Variants in HIF1A observed in about 807,000 individuals in gnomAD.
The protein encoded by HIF1A is hypoxia inducible factor 1 subunit alpha.
Under a neutral mutation model 92.7 loss-of-function variants are expected in HIF1A, and 24 were observed. That is an observed-to-expected ratio of 0.26 (90% CI 0.19 to 0.36). The LOEUF is 0.36. Among genes scored for constraint, HIF1A ranks in the 10% least tolerant of loss-of-function variants. HIF1A has a pLI of 1.00. For missense variants in HIF1A, 799 were observed against 998.5 expected (o/e 0.80, Z 2.69); for synonymous variants, 319 against 338.7 (o/e 0.94, Z 0.64).
rs182343342 is a variant in HIF1A at position 61,743,301 on chromosome 14, C to T, written c.2094-1404C>T. Among the ~76,000 whole-genome samples the T allele has an allele frequency of 3.6e-4, 55 of 152,204 alleles. No individual in the cohort carries two copies. In the East Asian group the frequency reaches 6.2e-3, roughly 17 times the overall value. The stretch of plus-strand genomic sequence containing the variant: ...GATCAGGCTGGTCTCAAACTCCCGA[C>T]CTCAGGTGATCCACCTGCCTCAGCC... On this transcript the variant is annotated intron_variant, in intron 12 of 14. Transcript: ENST00000337138.
At position 61,746,916 on chromosome 14, in the gene HIF1A, ATC is replaced by A. The variant is rs1298978325; in HGVS notation, c.2330-14_2330-13del. 5 of 1,579,744 alleles carry A rather than the reference ATC, an allele frequency of 3.2e-6. No individual in the cohort carries two copies. In the East Asian group the frequency reaches 6.7e-5, roughly 21 times the overall value. On this transcript the variant is annotated splice_polypyrimidine_tract_variant and intron_variant, in intron 14 of 14. Coordinates refer to ENST00000337138, the MANE Select transcript of HIF1A (RefSeq NM_001530.4). ...TGACTAGATGAATGTATACTTAGGT[ATC>A]TCTTTTGTTTTTCAGATTTAGCATG... is the stretch of plus-strand genomic sequence containing the variant.
chr14:61,712,589 C>G (rs2044320073), intron 1 of HIF1A, among the ~76,000 whole-genome samples: 1 of 146,530 alleles, frequency 6.8e-6, no homozygotes, highest in Non-Finnish European at 1.5e-5. Context: ...ATCTAGTATG[C>G]TTGCTTATAC....
chr14:61,709,523 G>A (rs566647467), intron 1 of HIF1A, among the ~76,000 whole-genome samples: 3 of 151,878 alleles, frequency 2.0e-5, no homozygotes, highest in African/African-American at 7.2e-5. Flanking sequence ...CACATTTAAA[G>A]TAAGCATTTT....
rs777085247 is a variant in HIF1A at position 61,747,120 on chromosome 14, T to C, written c.*35T>C. 50 of 1,576,726 alleles carry C rather than the reference T, an allele frequency of 3.2e-5. No individual in the cohort carries two copies. Among genetic ancestry groups the C allele is most frequent in the Middle Eastern group, 1.7e-4 (1 of 5,894 alleles). On this transcript the variant is annotated 3_prime_UTR_variant, in exon 15 of 15. Transcript: ENST00000337138. ...TAATTTCATTCCTTTTTTTGGACAC[T>C]GGTGGCTCATTACCTAAAGCAGTCT...
intron 10 of HIF1A, among the ~76,000 whole-genome samples, chr14:61,739,366 C>A (rs968235279): frequency 6.6e-6 from 1 of 152,130 alleles, no homozygotes; most frequent in East Asian, 1.9e-4. Flanking sequence ...CATTTTAGGG[C>A]TTCCTACATC....
Position 61,721,491 on chromosome 14 carries a change from T to C in HIF1A, c.227-18T>C, listed in dbSNP as rs1365221244. On this transcript the variant is annotated intron_variant, in intron 2 of 14. Coordinates refer to ENST00000337138, the MANE Select transcript of HIF1A (RefSeq NM_001530.4). The stretch of plus-strand genomic sequence containing the variant: ...AACTTTTTAACTAATTATTTTCCTC[T>C]TCTTGTGCCCTTTTTAGGTGATTTG... 5.0e-6 allele frequency: 8 copies of C among 1,601,204 alleles called. No homozygotes were observed. The highest frequency in any genetic ancestry group is 1.7e-5 in the Admixed American group (1 of 58,438).
At chr14:61,735,993 CT>C (rs10658676) in intron 8 of HIF1A, among the ~76,000 whole-genome samples, 3 of 144,148 alleles carry the variant, frequency 2.1e-5, no homozygotes, top group African/African-American at 5.1e-5. Flanking sequence ...TTCTTTTTTT[CT>C]TTTTTTTTTT....
chr14:61,729,757 A>C (rs79888587), intron 6 of HIF1A, among the ~76,000 whole-genome samples: 1 of 152,288 alleles, frequency 6.6e-6, no homozygotes, highest in African/African-American at 2.4e-5. Flanking sequence ...AAAAATGAGA[A>C]AGGGAGTGAC....
At chr14:61,719,126 G>A (rs186883922) in intron 1 of HIF1A, among the ~76,000 whole-genome samples, 6 of 152,272 alleles carry the variant, frequency 3.9e-5, no homozygotes, top group Admixed American at 2.6e-4. Context: ...ATTTGGGGTG[G>A]AGACAATTCG....
chr14:61,723,258 T>C (rs2044455663), intron 4 of HIF1A, among the ~76,000 whole-genome samples: 1 of 147,336 alleles, frequency 6.8e-6, no homozygotes, highest in Non-Finnish European at 1.5e-5. Flanking sequence ...CTGTTCTTCC[T>C]ATTTTATATG....
At chr14:61,718,036 A>G (rs559884017) in intron 1 of HIF1A, among the ~76,000 whole-genome samples, 4 of 150,910 alleles carry the variant, frequency 2.7e-5, no homozygotes, top group African/African-American at 7.3e-5. Flanking sequence ...AAAAAAAAGC[A>G]TATATAGCAC....
At chr14:61,711,836 T>A (rs1373299379) in intron 1 of HIF1A, among the ~76,000 whole-genome samples, 1 of 152,260 alleles carries the variant, frequency 6.6e-6, no homozygotes, top group Non-Finnish European at 1.5e-5. Flanking sequence ...GAATTAGCTG[T>A]CATAATCAGT....
At chr14:61,705,028 T>G (rs977410136) in intron 1 of HIF1A, among the ~76,000 whole-genome samples, 4 of 152,168 alleles carry the variant, frequency 2.6e-5, no homozygotes, top group African/African-American at 9.6e-5. Context: ...GCTTTTAGAA[T>G]TTTCAGACAT....
rs755243230 is a variant in HIF1A at position 61,732,423 on chromosome 14, C to T, written c.779C>T (p.Thr260Ile). The change falls in exon 7 of 15, where the codon ACC (threonine) becomes ATC (isoleucine). Residue 260 changes from threonine to isoleucine, a missense_variant. This residue lies in a region of HIF1A where 516 missense variants were observed against 721.0 expected (regional missense o/e 0.72). Transcript: ENST00000337138. ...MKFSYCDERI[T>I]ELMGYEPEEL... ...CTTGTATTTTTTACTAACAGAATTA[C>T]CGAATTGATGGGATATGAGCCAGAA... The T allele has an allele frequency of 6.3e-7, 1 of 1,593,612 alleles. No individual in the cohort carries two copies. The highest frequency in any genetic ancestry group is 8.6e-7 in the Non-Finnish European group (1 of 1,163,316).
At chr14:61,701,710 G>A (rs1269948464) in intron 1 of HIF1A, among the ~76,000 whole-genome samples, 1 of 152,172 alleles carries the variant, frequency 6.6e-6, no homozygotes, top group Non-Finnish European at 1.5e-5. Context: ...TTTGTGGGCT[G>A]GGCGCGGTGG....
intron 1 of HIF1A, among the ~76,000 whole-genome samples, chr14:61,706,622 A>G (rs1178031390): frequency 6.6e-6 from 1 of 152,208 alleles, no homozygotes; most frequent in South Asian, 2.1e-4. Context: ...CTTTTGCTTT[A>G]AGACCTGCTA....
intron 1 of HIF1A, among the ~76,000 whole-genome samples, chr14:61,710,680 A>T (rs542778804): frequency 6.6e-6 from 1 of 152,290 alleles, no homozygotes; most frequent in East Asian, 1.9e-4. Flanking sequence ...TGCAACAATT[A>T]CTAGATAGAA....
At position 61,724,380 on chromosome 14, in the gene HIF1A, T is replaced by TCTCTCTCTCTCTCTCC. The variant is rs771152491; in HGVS notation, c.458-2325_458-2324insTCTCTCTCTCTCTCCC. On this transcript the variant is annotated intron_variant, in intron 4 of 14. Transcript: ENST00000337138. ...CTCTCTCTCTCTCTCTCTCTCTCTC[T>TCTCTCTCTCTCTCTCC]CCCCCTCCCTCCCGCACTCCTTCCC... Among the ~76,000 whole-genome samples the TCTCTCTCTCTCTCTCC allele has an allele frequency of 1.9e-3, 262 of 139,644 alleles. 3 individuals carry two copies. The highest frequency in any genetic ancestry group is 3.6e-3 in the Middle Eastern group (1 of 274). 91.6% of individuals were successfully genotyped at this position (139,644 alleles called of 152,430 possible).
At position 61,747,934 on chromosome 14, in the gene HIF1A, T is replaced by C. The variant is rs1242865466; in HGVS notation, c.*849T>C. 1 of 152,466 alleles carries C rather than the reference T, an allele frequency of 6.6e-6. No individual in the cohort carries two copies. The highest frequency in any genetic ancestry group is 1.5e-5 in the Non-Finnish European group (1 of 67,952). 9.4% of individuals were successfully genotyped at this position (152,466 alleles called of 1,614,324 possible). ...AACCTAAATGTTCTGCCTACCCTGT[T>C]GGTATAAAGATATTTTGAGCAGACT... is the stretch of plus-strand genomic sequence containing the variant. On this transcript the variant is annotated 3_prime_UTR_variant, in exon 15 of 15. Transcript: ENST00000337138.
Sources: allele counts gnomAD v4.1 joint callset (sites outside exome capture counted in the v4.1 genomes callset), GRCh38; gene constraint gnomAD v4.1.1; regional missense constraint gnomAD v4.1.1; transcripts MANE v1.5; gene names NCBI Gene and HGNC (gene_info 2026-07-23, HGNC 2026-07-21).